PDE10A: variants seen among roughly 807,000 people sequenced by gnomAD.
PDE10A encodes the protein phosphodiesterase 10A, also known as cAMP and cAMP-inhibited cGMP 3',5'-cyclic phosphodiesterase 10A.
Under a neutral mutation model 97.7 loss-of-function variants are expected in PDE10A, and 39 were observed. That is an observed-to-expected ratio of 0.40 (90% CI 0.31 to 0.52). The LOEUF is 0.52. PDE10A is among the 20% of genes least tolerant of loss of function. The probability of loss-of-function intolerance (pLI) is 0.56; values close to 1 mark genes in which losing one functional copy is unlikely to be tolerated. For synonymous variants in PDE10A, 371 were observed against 376.8 expected (o/e 0.98, Z 0.18); for missense variants, 731 against 1,047.8 (o/e 0.70, Z 4.17).
At chr6:165,857,604 CAGAAGCTG>C (rs3049883) in intron 1 of PDE10A, among the ~76,000 whole-genome samples, 118,796 of 151,472 alleles carry the variant, frequency 0.78, 47,030 homozygotes, top group East Asian at 0.96. Context: ...GTGGCTTATG[CAGAAGCTG>C]AGAAGCTGAG....
intron 1 of PDE10A, among the ~76,000 whole-genome samples, chr6:165,558,632 G>C (rs1325318103): frequency 2.0e-5 from 3 of 151,922 alleles, no homozygotes; most frequent in Admixed American, 6.6e-5. Context: ...ATTTCTTTTA[G>C]ACTTCCTCTA....
intron 1 of PDE10A, among the ~76,000 whole-genome samples, chr6:165,922,191 G>C (rs573752045): frequency 1.4e-4 from 22 of 152,304 alleles, no homozygotes; most frequent in African/African-American, 4.8e-4. Flanking sequence ...AGATGGGAAG[G>C]CTGAGATTAA....
At chr6:165,642,259 G>C (rs1789171767) in intron 1 of PDE10A, among the ~76,000 whole-genome samples, 1 of 152,162 alleles carries the variant, frequency 6.6e-6, no homozygotes, top group South Asian at 2.1e-4. Context: ...GATGTCCCTA[G>C]ATGCCCCGGA....
intron 16 of PDE10A, among the ~76,000 whole-genome samples, chr6:165,391,274 G>A (rs1785693654): frequency 6.6e-6 from 1 of 152,044 alleles, no homozygotes; most frequent in African/African-American, 2.4e-5. Context: ...CAGCCAAAAC[G>A]ATCTGATGTT....
chr6:165,442,269 A>T (rs1405056308), intron 5 of PDE10A, among the ~76,000 whole-genome samples: 1 of 152,056 alleles, frequency 6.6e-6, no homozygotes, highest in Non-Finnish European at 1.5e-5. Context: ...CATTAGGTAT[A>T]TCTCCTAATG....
At chr6:165,573,779 C>CCTCT (rs1378741999) in intron 1 of PDE10A, among the ~76,000 whole-genome samples, 1 of 152,152 alleles carries the variant, frequency 6.6e-6, no homozygotes, top group South Asian at 2.1e-4. Context: ...AAAAAAAATA[C>CCTCT]CTCAATAGCT....
intron 1 of PDE10A, among the ~76,000 whole-genome samples, chr6:165,910,395 C>T (rs1445908070): frequency 6.6e-6 from 1 of 152,182 alleles, no homozygotes; most frequent in Admixed American, 6.5e-5. Context: ...AGTCAAACCG[C>T]ATCTAAATAA....
chr6:165,399,982 G>T (rs1241728073), intron 13 of PDE10A, among the ~76,000 whole-genome samples: 1 of 152,096 alleles, frequency 6.6e-6, no homozygotes, highest in East Asian at 1.9e-4. Flanking sequence ...GGCATCAAGG[G>T]GCACAAACGG....
At chr6:165,526,689 T>C (rs1048917462) in intron 2 of PDE10A, among the ~76,000 whole-genome samples, 3 of 152,178 alleles carry the variant, frequency 2.0e-5, no homozygotes, top group African/African-American at 4.8e-5. Flanking sequence ...GTGAGTCCAA[T>C]TGCAGCTGCT....
At chr6:165,785,581 T>G (rs1317006690) in intron 1 of PDE10A, among the ~76,000 whole-genome samples, 1 of 152,220 alleles carries the variant, frequency 6.6e-6, no homozygotes, top group Non-Finnish European at 1.5e-5. Context: ...ATTACCAAAA[T>G]TTAACAGCCT....
At chr6:165,972,546 C>A (rs1019390128) in intron 1 of PDE10A, among the ~76,000 whole-genome samples, 1 of 152,122 alleles carries the variant, frequency 6.6e-6, no homozygotes, top group Admixed American at 6.5e-5. Flanking sequence ...TGTTTTCAAT[C>A]CAGCTGGGGA....
chr6:165,567,934 T>TA (rs768055950), intron 1 of PDE10A, among the ~76,000 whole-genome samples: 7 of 151,538 alleles, frequency 4.6e-5, no homozygotes, highest in Non-Finnish European at 1.0e-4. Context: ...AGTCTCTACT[T>TA]ACCTTTGTAA....
intron 1 of PDE10A, among the ~76,000 whole-genome samples, chr6:165,598,935 T>A (rs1226573027): frequency 6.6e-6 from 1 of 152,164 alleles, no homozygotes; most frequent in Non-Finnish European, 1.5e-5. Flanking sequence ...GTTCTCTCTA[T>A]GGAATGCTCT....
chr6:165,735,237 G>A, intron 1 of PDE10A, among the ~76,000 whole-genome samples: 1 of 150,344 alleles, frequency 6.7e-6, no homozygotes, highest in East Asian at 2.0e-4. Context: ...ATAGACAGGT[G>A]GGTGGGTAGG....
At chr6:165,596,095 T>A (rs1418585122) in intron 1 of PDE10A, among the ~76,000 whole-genome samples, 2 of 150,780 alleles carry the variant, frequency 1.3e-5, no homozygotes, top group African/African-American at 5.0e-5. Flanking sequence ...GGTGGAAACA[T>A]CTGGCAGACT....
At chr6:165,932,625 C>T (rs937561461) in intron 1 of PDE10A, among the ~76,000 whole-genome samples, 8 of 152,188 alleles carry the variant, frequency 5.3e-5, no homozygotes, top group African/African-American at 9.6e-5. Context: ...CATGAGCCAC[C>T]GCACCCAGCC....
At chr6:165,352,995 A>T (rs1490132768) in intron 18 of PDE10A, among the ~76,000 whole-genome samples, 1 of 152,202 alleles carries the variant, frequency 6.6e-6, no homozygotes, top group African/African-American at 2.4e-5. Context: ...AAATTCAACA[A>T]TAAGAAAACA....
chr6:165,571,166 C>T (rs952221380), intron 1 of PDE10A, among the ~76,000 whole-genome samples: 14 of 152,286 alleles, frequency 9.2e-5, no homozygotes, highest in African/African-American at 2.4e-4. Flanking sequence ...ATCCCATCTA[C>T]GACACTTATA....
chr6:165,784,696 T>C (rs1026875593), intron 1 of PDE10A, among the ~76,000 whole-genome samples: 1 of 152,172 alleles, frequency 6.6e-6, no homozygotes, highest in Non-Finnish European at 1.5e-5. Context: ...GTGGGAAAAC[T>C]ATGGGTATTG....
Sources: allele counts gnomAD v4.1 joint callset (sites outside exome capture counted in the v4.1 genomes callset), GRCh38; gene constraint gnomAD v4.1.1; transcripts MANE v1.5; gene names NCBI Gene and HGNC (gene_info 2026-07-23, HGNC 2026-07-21).